Variants in CEP85L observed in about 807,000 individuals in gnomAD.
The protein encoded by CEP85L is centrosomal protein 85L.
In CEP85L, 60 loss-of-function variants were observed where a neutral mutation model predicts 100.3. The ratio of observed to expected loss-of-function variants is 0.60; its 90% confidence interval spans 0.49 to 0.74. The LOEUF (loss-of-function observed/expected upper bound fraction) is 0.74. CEP85L is among the 30% of genes least tolerant of loss of function. The probability of loss-of-function intolerance (pLI) is 0.00; values close to 1 mark genes in which losing one functional copy is unlikely to be tolerated. For missense variants in CEP85L, 973 were observed against 936.2 expected, an observed-to-expected ratio of 1.04 and a Z score of -0.51; for synonymous variants, 319 against 322.7, an observed-to-expected ratio of 0.99 and a Z score of 0.12.
intron 3 of CEP85L, among the ~76,000 whole-genome samples, chr6:118,542,025 C>G (rs1232027663): frequency 6.6e-6 from 1 of 151,830 alleles, no homozygotes; most frequent in Non-Finnish European, 1.5e-5. Flanking sequence ...TTTACAGAAC[C>G]AAGAGAAAAA....
At chr6:118,495,034 T>C (rs1442609865) in intron 5 of CEP85L, among the ~76,000 whole-genome samples, 1 of 152,070 alleles carries the variant, frequency 6.6e-6, no homozygotes, top group Non-Finnish European at 1.5e-5. Context: ...AAGAATGTCC[T>C]TGAGGGACTC....
At chr6:118,577,191 G>C (rs1562278009) in intron 2 of CEP85L, among the ~76,000 whole-genome samples, 1 of 152,086 alleles carries the variant, frequency 6.6e-6, no homozygotes. Flanking sequence ...GAGTCTAATG[G>C]GATGCAGTGA....
intron 2 of CEP85L, among the ~76,000 whole-genome samples, chr6:118,614,209 T>C (rs117863761): frequency 0.018 from 2,750 of 152,278 alleles, 51 homozygotes; most frequent in Middle Eastern, 0.054. Context: ...AAACTAGGAA[T>C]AAGAAGTGCC....
In CEP85L at chr6:118,505,566, T is replaced by C. The variant is rs915336172; in HGVS notation, c.1257+5732A>G. On this transcript the variant is annotated intron_variant, in intron 5 of 12. Transcript: ENST00000368491. ...TTCAGTAATAAAGAAAAATGAACTA[T>C]CAAGCCATGAAAAGATATAGAGGAA... Among the ~76,000 whole-genome samples, 7 of 151,978 alleles carry C rather than the reference T, an allele frequency of 4.6e-5. No individual in the cohort carries two copies. The South Asian group carries it at 1.5e-3, about 31-fold the overall frequency.
At chr6:118,701,222 T>C (rs535610795) in intron 1 of CEP85L, among the ~76,000 whole-genome samples, 1 of 152,210 alleles carries the variant, frequency 6.6e-6, no homozygotes, top group African/African-American at 2.4e-5. Context: ...GAAAGGAGTT[T>C]GGAGATTTCT....
chr6:118,628,742 C>CA (rs1214553027), intron 2 of CEP85L, among the ~76,000 whole-genome samples: 1 of 152,082 alleles, frequency 6.6e-6, no homozygotes, highest in East Asian at 1.9e-4. Flanking sequence ...AAATTTAACT[C>CA]AAAATAGATC....
chr6:118,618,737 C>A (rs1412635018), intron 2 of CEP85L, among the ~76,000 whole-genome samples: 1 of 152,092 alleles, frequency 6.6e-6, no homozygotes, highest in Admixed American at 6.5e-5. Context: ...TTCTCTCAGC[C>A]CTGGCCTAGA....
At chr6:118,697,345 T>C (rs1777248027) in intron 1 of CEP85L, among the ~76,000 whole-genome samples, 1 of 152,234 alleles carries the variant, frequency 6.6e-6, no homozygotes, top group African/African-American at 2.4e-5. Flanking sequence ...CAGACACTTG[T>C]CACCAGTCCT....
At chr6:118,611,602 C>T (rs1042373076) in intron 2 of CEP85L, among the ~76,000 whole-genome samples, 2 of 152,034 alleles carry the variant, frequency 1.3e-5, no homozygotes, top group African/African-American at 2.4e-5. Context: ...CCAACTATGC[C>T]GTTACAAGTC....
intron 5 of CEP85L, among the ~76,000 whole-genome samples, chr6:118,494,659 A>T (rs1265126451): frequency 6.6e-6 from 1 of 152,202 alleles, no homozygotes; most frequent in Non-Finnish European, 1.5e-5. Flanking sequence ...CAAAAGACTG[A>T]GACCTAAACA....
intron 2 of CEP85L, among the ~76,000 whole-genome samples, chr6:118,631,371 C>T (rs907973572): frequency 1.3e-5 from 2 of 152,134 alleles, no homozygotes; most frequent in African/African-American, 4.8e-5. Context: ...ACATACATTG[C>T]TGATGGAAAT....
intron 1 of CEP85L, among the ~76,000 whole-genome samples, chr6:118,681,948 C>T (rs937028089): frequency 2.0e-5 from 3 of 152,036 alleles, no homozygotes; most frequent in African/African-American, 4.8e-5. Flanking sequence ...GCCATGTTGC[C>T]AGGCTGGTCT....
At chr6:118,554,645 A>G (rs1324188268) in intron 3 of CEP85L, among the ~76,000 whole-genome samples, 1 of 152,220 alleles carries the variant, frequency 6.6e-6, no homozygotes, top group Non-Finnish European at 1.5e-5. Flanking sequence ...CTATAATCTG[A>G]CAGATATCCT....
intron 2 of CEP85L, among the ~76,000 whole-genome samples, chr6:118,586,356 A>G (rs1351416824): frequency 1.3e-5 from 2 of 152,156 alleles, no homozygotes; most frequent in African/African-American, 2.4e-5. Context: ...TAAGCATGTA[A>G]CCTCTCTGGC....
chr6:118,487,994 G>A (rs1774298755), intron 6 of CEP85L, among the ~76,000 whole-genome samples: 1 of 151,586 alleles, frequency 6.6e-6, no homozygotes, highest in African/African-American at 2.4e-5. Context: ...AAGCCTGAAG[G>A]ATGCTAAGAA....
chr6:118,535,830 T>C (rs1418078048), intron 3 of CEP85L, among the ~76,000 whole-genome samples: 4 of 152,174 alleles, frequency 2.6e-5, no homozygotes, highest in African/African-American at 9.6e-5. Context: ...TATTATTAGC[T>C]ATTGTTAATT....
chr6:118,655,911 A>C (rs551252100), upstream of CEP85L, among the ~76,000 whole-genome samples: 7 of 152,350 alleles, frequency 4.6e-5, no homozygotes, highest in African/African-American at 1.7e-4. Context: ...AAGTTAGGGA[A>C]GGTCACACAG....
intron 3 of CEP85L, among the ~76,000 whole-genome samples, chr6:118,562,364 T>G (rs2114983918): frequency 6.7e-6 from 1 of 149,620 alleles, no homozygotes; most frequent in Admixed American, 6.7e-5. Context: ...TTTTATCAAT[T>G]TTTTTTTTTT....
chr6:118,565,920 A>G lies in CEP85L; in HGVS notation c.629T>C (p.Met210Thr), dbSNP rs1212816768. 3.1e-6 allele frequency: 5 copies of G among 1,614,132 alleles called. No homozygotes were observed. Among genetic ancestry groups the G allele is most frequent in the Non-Finnish European group, 4.2e-6 (5 of 1,180,020 alleles). The change falls in exon 3 of 13, where the codon ATG (methionine) becomes ACG (threonine). Residue 210 changes from methionine to threonine, a missense_variant. Coordinates refer to ENST00000368491, the MANE Select transcript of CEP85L (RefSeq NM_001042475.3). Reference sequence around the variant, plus strand: ...TATTTCCTTGTCCTCTAACCTAAGCATCTCCATACTATCATGTAAACAGCT... The same window carrying G: ...TATTTCCTTGTCCTCTAACCTAAGCGTCTCCATACTATCATGTAAACAGCT... ...GPSCLHDSME[M>T]LRLEDKEINK...
Sources: gnomAD v4.1 joint callset for allele counts (sites outside exome capture counted in the v4.1 genomes callset) on GRCh38, gnomAD v4.1.1 for gene constraint, MANE v1.5 for transcripts, NCBI Gene and HGNC (gene_info 2026-07-23, HGNC 2026-07-21) for gene names.